PADI1: variants seen among roughly 807,000 people sequenced by gnomAD.
The protein encoded by PADI1 is protein-arginine deiminase type-1.
Under a neutral mutation model 74.8 loss-of-function variants are expected in PADI1, and 65 were observed. That is an observed-to-expected ratio of 0.87 (90% CI 0.71 to 1.07). The LOEUF (loss-of-function observed/expected upper bound fraction) is 1.07, where lower values mean the gene tolerates loss of function less well. PADI1 is among the 50% of genes least tolerant of loss of function. The probability of loss-of-function intolerance (pLI) is 0.00; values close to 1 mark genes in which losing one functional copy is unlikely to be tolerated. For synonymous variants in PADI1, 371 were observed against 336.2 expected (o/e 1.10, Z -1.13); for missense variants, 943 against 854.0 (o/e 1.10, Z -1.30).
chr1:17,230,561 T>TC lies in PADI1; in HGVS notation c.1054-7dup, dbSNP rs774797611. 1.3e-6 allele frequency: 2 copies of TC among 1,581,176 alleles called. No homozygotes were observed. The highest frequency in any genetic ancestry group is 1.7e-6 in the Non-Finnish European group (2 of 1,157,642). ...AAGGTCACTGTGGCTTTTTCATCTC[T>TC]CCCCTCCCAGGACGAGATGGAGTTT... On this transcript the variant is annotated splice_polypyrimidine_tract_variant and intron_variant, in intron 9 of 15. Transcript: ENST00000375471.
chr1:17,232,999 G>T, intron 11 of PADI1, 29 bp downstream of exon 11: 2 of 1,568,800 alleles, frequency 1.3e-6, no homozygotes, highest in Non-Finnish European at 8.6e-7. Flanking sequence ...AGGTGGGGAG[G>T]CACAAGGGAA....
At position 17,240,739 on chromosome 1, in the gene PADI1, G is replaced by C. The variant is rs762129125; in HGVS notation, c.1737G>C (p.Ala579=). ...TCTTCTTCCTGAAAAACTTCTACGCGGAAGCCTTCTTCCCAGACATGGTGA... is the reference window on the plus strand; with the variant it reads ...TCTTCTTCCTGAAAAACTTCTACGCCGAAGCCTTCTTCCCAGACATGGTGA... The part of the protein sequence containing the change: ...PQLFFLKNFY[A]EAFFPDMVNM... Residue 579 remains alanine (A), a synonymous_variant, in exon 15 of 16, where the codon GCG becomes GCC. Coordinates refer to ENST00000375471, the MANE Select transcript of PADI1 (RefSeq NM_013358.3). The C allele has an allele frequency of 1.2e-6, 2 of 1,613,994 alleles. No homozygotes were observed. The highest frequency in any genetic ancestry group is 1.7e-6 in the Non-Finnish European group (2 of 1,179,920).
intron 1 of PADI1, among the ~76,000 whole-genome samples, chr1:17,208,340 G>A (rs1395411045): frequency 2.6e-5 from 4 of 151,954 alleles, no homozygotes; most frequent in Non-Finnish European, 5.9e-5. Context: ...AAACCCTTAG[G>A]AATCCTCGAC....
At chr1:17,225,680 T>A in intron 4 of PADI1, 131 bp from the exon 5 acceptor site, 1 of 702,740 alleles carries the variant, frequency 1.4e-6, no homozygotes, top group Admixed American at 2.4e-5. Flanking sequence ...TAATCCTTTT[T>A]AAAATCTTTA....
chr1:17,205,235 T>C lies in PADI1; in HGVS notation c.18T>C (p.Val6=), dbSNP rs781685654. The change falls in exon 1 of 16, where the codon GTT becomes GTC. Residue 6 remains valine, a synonymous_variant. Transcript: ENST00000375471. MAPKR[V]VQLSLKMPTH... ...GTGACAGGATGGCCCCAAAGAGAGT[T>C]GTGCAGCTGTCCCTGAAGATGCCTA... 1 of 1,613,746 alleles carries C rather than the reference T, an allele frequency of 6.2e-7. No homozygotes were observed. Among genetic ancestry groups the C allele is most frequent in the Non-Finnish European group, 8.5e-7 (1 of 1,179,932 alleles).
intron 6 of PADI1, among the ~76,000 whole-genome samples, chr1:17,226,894 C>A (rs1249829724): frequency 2.6e-5 from 4 of 151,894 alleles, no homozygotes; most frequent in Admixed American, 6.6e-5. Flanking sequence ...CTAAAAAATA[C>A]AAAAAAATTA....
intron 1 of PADI1, among the ~76,000 whole-genome samples, chr1:17,212,862 G>A (rs1312834542): frequency 3.3e-5 from 5 of 152,186 alleles, no homozygotes; most frequent in Non-Finnish European, 4.4e-5. Context: ...TCGCCTTGCC[G>A]CTGTAAGATG....
chr1:17,222,851 C>T (rs759797901), intron 2 of PADI1, among the ~76,000 whole-genome samples: 5 of 152,230 alleles, frequency 3.3e-5, no homozygotes, highest in South Asian at 2.1e-4. Flanking sequence ...CACACACACA[C>T]GTCCACATCT....
At chr1:17,236,599 C>T (rs1343127986) in intron 11 of PADI1, among the ~76,000 whole-genome samples, 1 of 151,998 alleles carries the variant, frequency 6.6e-6, no homozygotes, top group Non-Finnish European at 1.5e-5. Context: ...ACAAAAATTA[C>T]AAAAATTAGC....
Position 17,230,306 on chromosome 1 carries a change from G to A in PADI1, c.1053+98G>A, listed in dbSNP as rs532835728. Reference sequence around the variant, plus strand: ...GACCCAGTGTCGCTAGAGAAGCCACGGCAGCCTGGGCCAGGCCTCTGGGGC... The same window carrying A: ...GACCCAGTGTCGCTAGAGAAGCCACAGCAGCCTGGGCCAGGCCTCTGGGGC... On this transcript the variant is annotated intron_variant, in intron 9 of 15. Transcript: ENST00000375471. 108 of 1,451,750 alleles carry A rather than the reference G, an allele frequency of 7.4e-5. 3 individuals are homozygous for A. In the South Asian group the frequency reaches 8.5e-4, roughly 11 times the overall value. 89.9% of individuals were successfully genotyped at this position (1,451,750 alleles called of 1,614,324 possible).
intron 11 of PADI1, among the ~76,000 whole-genome samples, chr1:17,235,293 G>GGGAAGAAAGGAAGGAAGGAAGGAA (rs1446975480): frequency 1.6e-5 from 1 of 62,828 alleles, no homozygotes; most frequent in African/African-American, 5.9e-5. Context: ...GAAGGAAGGA[G>GGGAAGAAAGGAAGGAAGGAAGGAA]GGAAGGAAGG....
At chr1:17,212,313 G>C (rs1314373066) in intron 1 of PADI1, among the ~76,000 whole-genome samples, 1 of 152,208 alleles carries the variant, frequency 6.6e-6, no homozygotes, top group Admixed American at 6.5e-5. Flanking sequence ...GGAGCCACAG[G>C]CTCAGCCAGC....
intron 1 of PADI1, among the ~76,000 whole-genome samples, chr1:17,212,246 C>T (rs1458314684): frequency 6.6e-6 from 1 of 152,234 alleles, no homozygotes; most frequent in East Asian, 1.9e-4. Flanking sequence ...TCCAGGACAC[C>T]TAGCGGCTGG....
intron 6 of PADI1, 77 bp from the exon 7 acceptor site, chr1:17,228,548 G>A (rs1470048181): frequency 3.3e-6 from 5 of 1,500,584 alleles, no homozygotes; most frequent in African/African-American, 1.4e-5. Flanking sequence ...CCACAAAGGG[G>A]GCTCTGTCCT....
At chr1:17,223,808 T>C (rs2293913) in intron 3 of PADI1, 115 bp downstream of exon 3, 244,670 of 833,292 alleles carry the variant, frequency 0.29, 37,712 homozygotes, top group Non-Finnish European at 0.33. Flanking sequence ...CCTCCATCAC[T>C]GAGGGGCTTG....
Position 17,228,700 on chromosome 1 carries a change from G to A in PADI1, c.728G>A (p.Gly243Glu). The change falls in exon 7 of 16, where the codon GGG becomes GAG. Residue 243 changes from glycine to glutamate, a missense_variant. Coordinates refer to ENST00000375471, the MANE Select transcript of PADI1 (RefSeq NM_013358.3). The stretch of plus-strand genomic sequence containing the variant: ...TCCTATGAAGTTGAGCGACAGCCAG[G>A]GGAGCAGGAGATCAAGTTCTATGTG... The part of the protein sequence containing the change: ...CLSYEVERQP[G>E]EQEIKFYVEG... 2.5e-6 allele frequency: 4 copies of A among 1,614,218 alleles called. No homozygotes were observed. Among genetic ancestry groups the A allele is most frequent in the East Asian group, 2.2e-5 (1 of 44,886 alleles).
chr1:17,225,713 C>A (rs896788919), intron 4 of PADI1, 98 bp from the exon 5 acceptor site: 5 of 790,020 alleles, frequency 6.3e-6, no homozygotes, highest in Non-Finnish European at 1.1e-5. Flanking sequence ...ATATGAAAAT[C>A]TATAATCTAA....
In PADI1 at chr1:17,244,335, G is replaced by A; in HGVS notation, c.*92G>A. Reference sequence around the variant, plus strand: ...ACAACCACCTGGCCTCCATTCTCTTGGGGGAGTCTTGGCACTTTGCAAACA... The same window carrying A: ...ACAACCACCTGGCCTCCATTCTCTTAGGGGAGTCTTGGCACTTTGCAAACA... On this transcript the variant is annotated 3_prime_UTR_variant, in exon 16 of 16. Transcript: ENST00000375471. The A allele has an allele frequency of 4.2e-6, 4 of 959,828 alleles. No homozygotes were observed. The highest frequency in any genetic ancestry group is 1.3e-5 in the South Asian group (1 of 75,644). 59.5% of individuals were successfully genotyped at this position (959,828 alleles called of 1,614,324 possible). A position where few individuals can be genotyped will look rare whatever the true frequency, so the allele number is the denominator to read the frequency against.
intron 6 of PADI1, among the ~76,000 whole-genome samples, chr1:17,227,602 A>C (rs2072360170): frequency 6.6e-6 from 1 of 152,134 alleles, no homozygotes; most frequent in Non-Finnish European, 1.5e-5. Flanking sequence ...TTAACCCCGG[A>C]CTGCTCTTAC....
Sources: allele counts gnomAD v4.1 joint callset (sites outside exome capture counted in the v4.1 genomes callset), GRCh38; gene constraint gnomAD v4.1.1; transcripts MANE v1.5; gene names NCBI Gene and HGNC (gene_info 2026-07-23, HGNC 2026-07-21).